The following PTPRR variants were observed in gnomAD, a reference collection of about 807,000 sequenced individuals.
PTPRR encodes the protein receptor-type tyrosine-protein phosphatase R.
Under a neutral mutation model 77.2 loss-of-function variants are expected in PTPRR, and 38 were observed. That is an observed-to-expected ratio of 0.49 (90% CI 0.38 to 0.65). PTPRR has a LOEUF of 0.65. Ranked by LOEUF, PTPRR falls within the 30% of genes least tolerant of loss-of-function variation. The pLI is 0.00. For missense variants in PTPRR, 744 were observed against 799.2 expected, an observed-to-expected ratio of 0.93 and a Z score of 0.83; for synonymous variants, 299 against 283.1, an observed-to-expected ratio of 1.06 and a Z score of -0.57.
intron 6 of PTPRR, among the ~76,000 whole-genome samples, chr12:70,737,663 G>A (rs1242807478): frequency 6.6e-6 from 1 of 152,032 alleles, no homozygotes; most frequent in Non-Finnish European, 1.5e-5. Flanking sequence ...GGGAGTACAG[G>A]TAAACACCAC....
chr12:70,837,985 G>A (rs1402728780), intron 2 of PTPRR, among the ~76,000 whole-genome samples: 3 of 152,056 alleles, frequency 2.0e-5, no homozygotes, highest in African/African-American at 7.2e-5. Context: ...TGAGGACAAA[G>A]ACCACATACA....
intron 2 of PTPRR, among the ~76,000 whole-genome samples, chr12:70,838,928 A>G (rs1361343694): frequency 6.6e-6 from 1 of 152,138 alleles, no homozygotes; most frequent in African/African-American, 2.4e-5. Flanking sequence ...TCCACTGAAC[A>G]TATGGACACA....
At chr12:70,650,319 C>T (rs934790684) in intron 13 of PTPRR, among the ~76,000 whole-genome samples, 3 of 151,990 alleles carry the variant, frequency 2.0e-5, no homozygotes, top group Admixed American at 1.3e-4. Context: ...CCCAGCAACT[C>T]GGGAGGCTGA....
chr12:70,809,798 T>TGAGA (rs1307152751), intron 2 of PTPRR, among the ~76,000 whole-genome samples: 1 of 152,158 alleles, frequency 6.6e-6, no homozygotes, highest in African/African-American at 2.4e-5. Flanking sequence ...AATAAAAGTG[T>TGAGA]GAGAGAGAAA....
intron 2 of PTPRR, among the ~76,000 whole-genome samples, chr12:70,859,498 T>C (rs1892713060): frequency 6.6e-6 from 1 of 151,948 alleles, no homozygotes; most frequent in Non-Finnish European, 1.5e-5. Flanking sequence ...TGAAGAAGGT[T>C]GAAGATTCTC....
At chr12:70,690,849 T>C (rs757879383) in intron 8 of PTPRR, among the ~76,000 whole-genome samples, 3 of 152,216 alleles carry the variant, frequency 2.0e-5, no homozygotes, top group Non-Finnish European at 2.9e-5. Flanking sequence ...TACCATCATT[T>C]GCATACATTA....
At chr12:70,781,969 T>A (rs561093341) in intron 2 of PTPRR, among the ~76,000 whole-genome samples, 2 of 152,304 alleles carry the variant, frequency 1.3e-5, no homozygotes, top group Admixed American at 1.3e-4. Flanking sequence ...ACCAACTTCA[T>A]GAGTTTTTCA....
chr12:70,844,051 G>C (rs1202191786), intron 2 of PTPRR, among the ~76,000 whole-genome samples: 1 of 151,778 alleles, frequency 6.6e-6, no homozygotes, highest in African/African-American at 2.4e-5. Flanking sequence ...CCTAACCGTG[G>C]GTGATCCACC....
chr12:70,724,795 G>A (rs902641453), intron 6 of PTPRR, among the ~76,000 whole-genome samples: 6 of 151,842 alleles, frequency 4.0e-5, no homozygotes, highest in African/African-American at 1.2e-4. Flanking sequence ...GTGTATGTAA[G>A]TCTGGATATA....
intron 1 of PTPRR, among the ~76,000 whole-genome samples, chr12:70,912,298 G>A (rs1054073567): frequency 3.3e-5 from 5 of 152,100 alleles, no homozygotes; most frequent in African/African-American, 1.2e-4. Context: ...CATTAGTACA[G>A]TGAAATAGCT....
rs1470023328 is a variant in PTPRR, at chr12:70,917,907, T to A, written c.58+2426A>T. On this transcript the variant is annotated intron_variant, in intron 1 of 13. Transcript: ENST00000283228. ...CAGCATAAAGCAGTTGCTGATACCC[T>A]GGGCGTAACCAAAATGGATCAATTA... Among the ~76,000 whole-genome samples, 3 of 152,220 alleles carry A rather than the reference T, an allele frequency of 2.0e-5. No individual in the cohort carries two copies. In the East Asian group the frequency reaches 5.8e-4, roughly 29 times the overall value.
At chr12:70,891,708 T>C (rs1029202397) in intron 2 of PTPRR, among the ~76,000 whole-genome samples, 2 of 152,066 alleles carry the variant, frequency 1.3e-5, no homozygotes, top group African/African-American at 2.4e-5. Context: ...GCTGAAAACA[T>C]TGACGAATGG....
chr12:70,716,098 G>T (rs1043604787), intron 6 of PTPRR, among the ~76,000 whole-genome samples: 1 of 152,158 alleles, frequency 6.6e-6, no homozygotes, highest in Non-Finnish European at 1.5e-5. Context: ...GCTTCAGCCG[G>T]TCCCTCCGTT....
At chr12:70,666,555 G>C (rs1887002900) in intron 10 of PTPRR, among the ~76,000 whole-genome samples, 1 of 152,132 alleles carries the variant, frequency 6.6e-6, no homozygotes. Context: ...AATTGAATAA[G>C]TTGCGTAAGT....
chr12:70,874,521 A>G (rs939704232), intron 2 of PTPRR, among the ~76,000 whole-genome samples: 2 of 152,246 alleles, frequency 1.3e-5, no homozygotes, highest in African/African-American at 4.8e-5. Context: ...CACAAAAACA[A>G]AGAGTGATTC....
chr12:70,728,103 A>G (rs1016787046), intron 6 of PTPRR, among the ~76,000 whole-genome samples: 12 of 151,880 alleles, frequency 7.9e-5, no homozygotes, highest in Non-Finnish European at 1.5e-5. Context: ...CTAGCCATGA[A>G]TCCAGCTACA....
intron 6 of PTPRR, among the ~76,000 whole-genome samples, chr12:70,710,640 T>G (rs1197891207): frequency 6.6e-6 from 1 of 152,066 alleles, no homozygotes; most frequent in African/African-American, 2.4e-5. Context: ...GGGGAAAATT[T>G]TTGCCAACTC....
intron 1 of PTPRR, among the ~76,000 whole-genome samples, chr12:70,899,150 A>G (rs1893486781): frequency 6.6e-6 from 1 of 151,532 alleles, no homozygotes. Flanking sequence ...CACTTAAAGA[A>G]AAAATAACAT....
At chr12:70,911,438 T>C (rs1893697596) in intron 1 of PTPRR, among the ~76,000 whole-genome samples, 1 of 152,168 alleles carries the variant, frequency 6.6e-6, no homozygotes, top group South Asian at 2.1e-4. Flanking sequence ...AAGTCTAGAC[T>C]GCCTGCTAAG....
Sources: allele counts gnomAD v4.1 joint callset (sites outside exome capture counted in the v4.1 genomes callset), GRCh38; gene constraint gnomAD v4.1.1; transcripts MANE v1.5; gene names NCBI Gene and HGNC (gene_info 2026-07-23, HGNC 2026-07-21).